Variants in ARHGEF11 observed in about 807,000 individuals in gnomAD.
ARHGEF11 encodes the protein Rho guanine exchange factor (GEF) 11.
A neutral mutation model predicts 193.7 loss-of-function variants in ARHGEF11; 55 were observed. That is an observed-to-expected ratio of 0.28 (90% confidence interval 0.23 to 0.36). ARHGEF11 has a LOEUF of 0.36. Among genes scored for constraint, ARHGEF11 ranks in the 10% least tolerant of loss-of-function variants. The probability of loss-of-function intolerance (pLI) is 1.00; values close to 1 mark genes in which losing one functional copy is unlikely to be tolerated. For synonymous variants in ARHGEF11, 693 were observed against 768.0 expected, an observed-to-expected ratio of 0.90 and a Z score of 1.62; for missense variants, 1,723 against 2,005.6, an observed-to-expected ratio of 0.86 and a Z score of 2.69.
Position 156,939,609 on chromosome 1 carries a change from C to T in ARHGEF11, c.4035G>A (p.Arg1345=), listed in dbSNP as rs1656349139. 1.2e-6 allele frequency: 2 copies of T among 1,613,430 alleles called. No individual in the cohort carries two copies. The highest frequency in any genetic ancestry group is 1.7e-5 in the Admixed American group (1 of 60,004). ...SGIWESPELD[R]NLAEDASSTE... ...TGCTTGAAGCATCTTCAGCCAGATT[C>T]CTGTCCAGTTCTGGAGACTCCCATA... Residue 1345 remains arginine (R), a synonymous_variant, in exon 37 of 41, where the codon AGG becomes AGA. Transcript: ENST00000368194.
At chr1:157,020,583 TAATC>T (rs1281498717) in intron 1 of ARHGEF11, among the ~76,000 whole-genome samples, 1 of 152,248 alleles carries the variant, frequency 6.6e-6, no homozygotes, top group Non-Finnish European at 1.5e-5. Flanking sequence ...TATGATTATT[TAATC>T]AATTAATGCA....
intron 1 of ARHGEF11, among the ~76,000 whole-genome samples, chr1:156,995,703 T>A (rs1666383811): frequency 7.0e-6 from 1 of 142,412 alleles, no homozygotes; most frequent in Admixed American, 7.3e-5. Flanking sequence ...CTGCCCAGCT[T>A]GTTTTTTTTT....
rs148875250 is a variant in ARHGEF11, at chr1:156,973,395, T to C, written c.583-1579A>G. The stretch of plus-strand genomic sequence containing the variant: ...GTGTGATTATTAGAGGTTGGTGCCA[T>C]GTGCTGTAGAAGCACCTATGTCCCA... On this transcript the variant is annotated intron_variant, in intron 7 of 40. Coordinates refer to ENST00000368194, the MANE Select transcript of ARHGEF11 (RefSeq NM_198236.3). 6.1e-3 allele frequency among the ~76,000 whole-genome samples: 925 copies of C among 152,364 alleles called. 3 individuals are homozygous for C. Among genetic ancestry groups the C allele is most frequent in the Admixed American group, 8.6e-3 (131 of 15,306 alleles).
At chr1:157,017,431 GGC>G (rs1206973590) in intron 1 of ARHGEF11, among the ~76,000 whole-genome samples, 1 of 152,142 alleles carries the variant, frequency 6.6e-6, no homozygotes, top group African/African-American at 2.4e-5. Flanking sequence ...GAGAAGGCCG[GGC>G]GCAGTGGCTC....
At chr1:157,008,274 C>G (rs1160385670) in intron 1 of ARHGEF11, among the ~76,000 whole-genome samples, 2 of 152,096 alleles carry the variant, frequency 1.3e-5, no homozygotes, top group African/African-American at 2.4e-5. Context: ...TGAAGCTCTA[C>G]CCTCCAATGT....
In ARHGEF11 at chr1:156,938,694, C is replaced by A. The variant is rs1571129118; in HGVS notation, c.4097-181G>T. The A allele has an allele frequency of 7.6e-6, 4 of 523,586 alleles. No individual in the cohort carries two copies. The East Asian group carries it at 9.7e-5, about 13-fold the overall frequency. 32.4% of individuals were successfully genotyped at this position (523,586 alleles called of 1,614,324 possible). On this transcript the variant is annotated intron_variant, in intron 37 of 40. Coordinates refer to ENST00000368194, the MANE Select transcript of ARHGEF11 (RefSeq NM_198236.3). ...CCAGGCAGTGCAGAGAACTTTCCAC[C>A]AATTCACCGAGAGACAGAGAAGGAA... is the stretch of plus-strand genomic sequence containing the variant.
chr1:156,997,805 T>C (rs1256020314), intron 1 of ARHGEF11, among the ~76,000 whole-genome samples: 1 of 152,044 alleles, frequency 6.6e-6, no homozygotes, highest in Non-Finnish European at 1.5e-5. Context: ...ATTTTGAATA[T>C]ATTGGGTTAA....
At chr1:156,984,652 T>C (rs1664673278) in intron 2 of ARHGEF11, among the ~76,000 whole-genome samples, 1 of 152,274 alleles carries the variant, frequency 6.6e-6, no homozygotes, top group African/African-American at 2.4e-5. Context: ...GTATTCCAAA[T>C]AAGAAACTAC....
chr1:156,987,937 T>C (rs1032162369), intron 1 of ARHGEF11, among the ~76,000 whole-genome samples: 3 of 152,122 alleles, frequency 2.0e-5, no homozygotes, highest in African/African-American at 7.2e-5. Context: ...GGCCACAAGG[T>C]GAGCTTACTA....
intron 3 of ARHGEF11, among the ~76,000 whole-genome samples, chr1:156,980,749 G>A (rs567520784): frequency 4.4e-4 from 66 of 149,820 alleles, no homozygotes; most frequent in Non-Finnish European, 1.0e-4. Context: ...AGGCAGGAGC[G>A]AGGCAGGGCC....
In ARHGEF11 at chr1:156,983,929, T is replaced by C. The variant is rs140999638; in HGVS notation, c.223+410A>G. On this transcript the variant is annotated intron_variant, in intron 3 of 40. Transcript: ENST00000368194. ...ATGTGCTCTGTAATCATTTGGACCA[T>C]TGTGCCTGTCTCAGGTTATAAACCT... Among the ~76,000 whole-genome samples the C allele has an allele frequency of 3.8e-3, 572 of 152,336 alleles. 6 individuals carry two copies. Among genetic ancestry groups the C allele is most frequent in the Admixed American group, 9.3e-3 (143 of 15,308 alleles).
rs1669045421 is a variant in ARHGEF11, at chr1:157,015,098, C to T, written c.33-28925G>A. 1.3e-5 allele frequency among the ~76,000 whole-genome samples: 2 copies of T among 152,182 alleles called. 1 individual carries two copies. The highest frequency in any genetic ancestry group is 4.1e-4 in the South Asian group (2 of 4,832). ...CCAGGTAGGAATTCTGGCAATCAAT[C>T]TTGACTCTTCCTTTTCTCTGACCAC... On this transcript the variant is annotated intron_variant, in intron 1 of 40. Coordinates refer to ENST00000368194, the MANE Select transcript of ARHGEF11 (RefSeq NM_198236.3).
intron 7 of ARHGEF11, among the ~76,000 whole-genome samples, chr1:156,974,623 G>A (rs1020934124): frequency 2.0e-5 from 3 of 152,072 alleles, no homozygotes; most frequent in Non-Finnish European, 2.9e-5. Flanking sequence ...GAACATTTCC[G>A]TAACTCCAAA....
intron 1 of ARHGEF11, among the ~76,000 whole-genome samples, chr1:157,008,404 ACG>A (rs1668135361): frequency 3.0e-5 from 1 of 33,206 alleles, no homozygotes; most frequent in Non-Finnish European, 6.7e-5. Flanking sequence ...GCTTGCACGC[ACG>A]CACACACACA....
At chr1:157,042,167 T>C (rs2103108825) in intron 1 of ARHGEF11, among the ~76,000 whole-genome samples, 1 of 152,046 alleles carries the variant, frequency 6.6e-6, no homozygotes, top group Non-Finnish European at 1.5e-5. Context: ...TCAGGCAGGG[T>C]GGAGGTGAGG....
intron 1 of ARHGEF11, among the ~76,000 whole-genome samples, chr1:157,017,651 GA>G: frequency 7.1e-6 from 1 of 140,406 alleles, no homozygotes; most frequent in Non-Finnish European, 1.5e-5. Context: ...AGGTTGCAGT[GA>G]GCCAAGACCG....
chr1:156,955,057 T>G, intron 20 of ARHGEF11, 136 bp from the exon 21 acceptor site: 1 of 727,864 alleles, frequency 1.4e-6, no homozygotes, highest in South Asian at 1.8e-5. Flanking sequence ...GAAGAATCTC[T>G]TTCCGTTTCC....
chr1:157,034,469 G>C (rs1671668363), intron 1 of ARHGEF11, among the ~76,000 whole-genome samples: 4 of 152,362 alleles, frequency 2.6e-5, no homozygotes, highest in African/African-American at 9.6e-5. Flanking sequence ...CTCTGTCCCT[G>C]CAAGAAATAC....
chr1:156,960,515 T>C (rs1660675494), intron 14 of ARHGEF11, 55 bp from the exon 15 acceptor site: 1 of 1,572,532 alleles, frequency 6.4e-7, no homozygotes, highest in East Asian at 2.2e-5. Context: ...TCCAGGGAGA[T>C]GAGCAGTGTG....
Sources: gnomAD v4.1 joint callset for allele counts (sites outside exome capture counted in the v4.1 genomes callset) on GRCh38, gnomAD v4.1.1 for gene constraint, MANE v1.5 for transcripts, NCBI Gene and HGNC (gene_info 2026-07-23, HGNC 2026-07-21) for gene names.